Variants in CDS1 observed in about 807,000 individuals in gnomAD.
CDS1 encodes CDP-diacylglycerol synthase 1, also known as phosphatidate cytidylyltransferase 1.
Under a neutral mutation model 62.1 loss-of-function variants are expected in CDS1, and 41 were observed. The observed-to-expected ratio is 0.66, with a 90% CI of 0.51 to 0.86. The LOEUF (loss-of-function observed/expected upper bound fraction) is 0.86, where lower values mean the gene tolerates loss of function less well. CDS1 is among the 40% of genes least tolerant of loss of function. The pLI is 0.00. For missense variants in CDS1, 470 were observed against 550.1 expected (o/e 0.85, Z 1.46); for synonymous variants, 185 against 192.6 (o/e 0.96, Z 0.32).
chr4:84,620,025 A>G lies in CDS1; in HGVS notation c.580+492A>G, dbSNP rs1189952876. On this transcript the variant is annotated intron_variant, in intron 5 of 12. Transcript: ENST00000295887. ...CCAGCCTGGGCAAAACTCTTATCTA[A>G]AAAAAAAAAAAAAAAAGAAAGAATC... is the stretch of plus-strand genomic sequence containing the variant. 6.8e-3 allele frequency among the ~76,000 whole-genome samples: 290 copies of G among 42,832 alleles called. 5 individuals carry two copies. In the East Asian group the frequency reaches 0.14, roughly 20 times the overall value. The allele number at this position is 42,832 out of a possible 152,430, so 28.1% of individuals were successfully genotyped here.
chr4:84,630,548 G>A (rs554264290), intron 5 of CDS1, among the ~76,000 whole-genome samples: 22 of 152,264 alleles, frequency 1.4e-4, no homozygotes, highest in Middle Eastern at 3.4e-3. Context: ...TGGTAGAATT[G>A]CCTTGATAAG....
intron 4 of CDS1, among the ~76,000 whole-genome samples, chr4:84,618,297 A>G (rs1489208485): frequency 6.6e-6 from 1 of 152,200 alleles, no homozygotes; most frequent in African/African-American, 2.4e-5. Context: ...GAATAGTCAA[A>G]AAGAAGTGTC....
At chr4:84,628,118 G>T (rs1431726888) in intron 5 of CDS1, among the ~76,000 whole-genome samples, 2 of 152,100 alleles carry the variant, frequency 1.3e-5, no homozygotes, top group African/African-American at 4.8e-5. Flanking sequence ...TTTGATGCTA[G>T]AAAGTTTTGA....
Position 84,583,324 on chromosome 4 carries a change from C to G in CDS1, c.-78C>G. On this transcript the variant is annotated 5_prime_UTR_variant, in exon 1 of 13. Coordinates refer to ENST00000295887, the MANE Select transcript of CDS1 (RefSeq NM_001263.4). ...GGCGCGGCTGCGAGGTGGCGGGGCGCCCCGCCTGCAGAACCCTGCTTGCAG... is the reference window on the plus strand; with the variant it reads ...GGCGCGGCTGCGAGGTGGCGGGGCGGCCCGCCTGCAGAACCCTGCTTGCAG... 1 of 1,073,482 alleles carries G rather than the reference C, an allele frequency of 9.3e-7. No homozygotes were observed. 66.5% of individuals were successfully genotyped at this position (1,073,482 alleles called of 1,614,324 possible).
At chr4:84,646,726 A>G (rs1170439974) in intron 12 of CDS1, among the ~76,000 whole-genome samples, 1 of 152,176 alleles carries the variant, frequency 6.6e-6, no homozygotes, top group African/African-American at 2.4e-5. Context: ...CTCCATGGGC[A>G]AAGGTGTATT....
intron 9 of CDS1, among the ~76,000 whole-genome samples, chr4:84,640,153 T>C (rs949132791): frequency 2.0e-5 from 3 of 147,818 alleles, no homozygotes; most frequent in African/African-American, 7.4e-5. Context: ...TATAATAATA[T>C]GTAATATATA....
chr4:84,608,443 A>G (rs527535993), intron 2 of CDS1, among the ~76,000 whole-genome samples: 25 of 152,064 alleles, frequency 1.6e-4, no homozygotes, highest in Non-Finnish European at 2.5e-4. Flanking sequence ...CAAAGTGCTG[A>G]GATTACAGGC....
chr4:84,638,504 G>A (rs1194162356), intron 8 of CDS1, among the ~76,000 whole-genome samples: 2 of 152,106 alleles, frequency 1.3e-5, no homozygotes, highest in Non-Finnish European at 2.9e-5. Flanking sequence ...TTGGCCAATA[G>A]CAGGTCAATA....
intron 5 of CDS1, among the ~76,000 whole-genome samples, chr4:84,620,644 T>C (rs1560475422): frequency 6.6e-6 from 1 of 152,236 alleles, no homozygotes; most frequent in Non-Finnish European, 1.5e-5. Flanking sequence ...TTTACAGATA[T>C]CTTTTCTATG....
At chr4:84,632,905 C>G (rs1345440886) in intron 6 of CDS1, among the ~76,000 whole-genome samples, 1 of 152,238 alleles carries the variant, frequency 6.6e-6, no homozygotes, top group African/African-American at 2.4e-5. Context: ...AGGCGGATAC[C>G]TTGAGCCCAG....
chr4:84,627,463 T>G (rs979102607), intron 5 of CDS1, among the ~76,000 whole-genome samples: 1 of 152,126 alleles, frequency 6.6e-6, no homozygotes, highest in Non-Finnish European at 1.5e-5. Context: ...AACTTGGTGA[T>G]TTGGAATTGG....
At chr4:84,641,218 C>T (rs41282381) in intron 10 of CDS1, among the ~76,000 whole-genome samples, 3,286 of 152,194 alleles carry the variant, frequency 0.022, 68 homozygotes, top group South Asian at 0.11. Context: ...AGGCGCTCGC[C>T]ACCACATCTC....
intron 1 of CDS1, among the ~76,000 whole-genome samples, chr4:84,597,272 T>A (rs956421590): frequency 2.0e-5 from 3 of 152,144 alleles, no homozygotes; most frequent in African/African-American, 7.2e-5. Context: ...TAAGGAGGCT[T>A]TATCAATTAT....
At chr4:84,601,172 CAAAA>C (rs59688950) in intron 1 of CDS1, among the ~76,000 whole-genome samples, 2 of 88,246 alleles carry the variant, frequency 2.3e-5, no homozygotes, top group Admixed American at 1.4e-4. Flanking sequence ...GACCCTGTCT[CAAAA>C]AAAAAAAAAA....
intron 1 of CDS1, among the ~76,000 whole-genome samples, chr4:84,602,255 T>C (rs1036064670): frequency 6.6e-6 from 1 of 152,300 alleles, no homozygotes; most frequent in Middle Eastern, 3.4e-3. Context: ...TTTTATTTTG[T>C]GTTTCTCTAA....
intron 4 of CDS1, among the ~76,000 whole-genome samples, chr4:84,618,143 A>G (rs962831155): frequency 2.6e-5 from 4 of 152,212 alleles, no homozygotes; most frequent in African/African-American, 4.8e-5. Context: ...AAAACTTTTC[A>G]TATATAAATC....
chr4:84,635,629 T>TG (rs1560481593), intron 8 of CDS1, among the ~76,000 whole-genome samples: 514 of 42,092 alleles, frequency 0.012, 1 homozygote, highest in African/African-American at 0.019. Flanking sequence ...CTGCCTGCCT[T>TG]CCTTCCTTCC....
At chr4:84,609,036 G>A (rs113729963) in intron 2 of CDS1, among the ~76,000 whole-genome samples, 50,394 of 151,648 alleles carry the variant, frequency 0.33, 8,693 homozygotes, top group East Asian at 0.52. Flanking sequence ...ACAATTAGCC[G>A]GGTGTGGTGG....
At chr4:84,608,050 G>A (rs573360100) in intron 2 of CDS1, among the ~76,000 whole-genome samples, 242 of 152,280 alleles carry the variant, frequency 1.6e-3, no homozygotes, top group African/African-American at 5.4e-3. Flanking sequence ...GGTGGGGTGC[G>A]GTCGGGCATG....
Sources: allele counts gnomAD v4.1 joint callset (sites outside exome capture counted in the v4.1 genomes callset), GRCh38; gene constraint gnomAD v4.1.1; transcripts MANE v1.5; gene names NCBI Gene and HGNC (gene_info 2026-07-23, HGNC 2026-07-21).